KHDRBS2: variants seen among roughly 807,000 people sequenced by gnomAD.
KHDRBS2 encodes KH domain-containing, RNA-binding, signal transduction-associated protein 2.
KHDRBS2 carries 26 observed loss-of-function variants against 44.3 expected under a neutral mutation model. That is an observed-to-expected ratio of 0.59 (90% CI 0.43 to 0.81). The LOEUF is 0.81. Among genes scored for constraint, KHDRBS2 ranks in the 40% least tolerant of loss-of-function variants. The pLI is 0.00. For synonymous variants in KHDRBS2, 194 were observed against 151.1 expected, an observed-to-expected ratio of 1.28 and a Z score of -2.08; for missense variants, 476 against 433.1, an observed-to-expected ratio of 1.10 and a Z score of -0.88.
At chr6:61,591,051 G>C in the KHDRBS2 span, among the ~76,000 whole-genome samples, 2 of 152,092 alleles carry the variant, frequency 1.3e-5, no homozygotes, top group African/African-American at 2.4e-5. Flanking sequence ...AGAGACATAT[G>C]GGAAGCCAGA....
intron 1 of KHDRBS2, among the ~76,000 whole-genome samples, chr6:62,206,379 A>T (rs1034953403): frequency 4.6e-5 from 7 of 152,104 alleles, no homozygotes; most frequent in Non-Finnish European, 8.8e-5. Flanking sequence ...ACTGAAACAT[A>T]TATTGATTGA....
intron 4 of KHDRBS2, among the ~76,000 whole-genome samples, chr6:61,951,854 T>C (rs1276629454): frequency 6.6e-6 from 1 of 152,002 alleles, no homozygotes; most frequent in Admixed American, 6.6e-5. Flanking sequence ...TTAGTTGGCA[T>C]GCTGTCAGAC....
At chr6:61,980,471 A>C (rs936078093) in intron 3 of KHDRBS2, among the ~76,000 whole-genome samples, 2 of 152,148 alleles carry the variant, frequency 1.3e-5, no homozygotes, top group Admixed American at 1.3e-4. Flanking sequence ...TGATATGAAA[A>C]ATTGTAGAAG....
intron 1 of KHDRBS2, among the ~76,000 whole-genome samples, chr6:62,276,672 CTTATA>C (rs1218461659): frequency 2.0e-5 from 3 of 152,182 alleles, no homozygotes; most frequent in Non-Finnish European, 4.4e-5. Context: ...ATAAGCTATA[CTTATA>C]TTTTATGATA....
chr6:61,954,912 A>C (rs1459181524), intron 4 of KHDRBS2, among the ~76,000 whole-genome samples: 1 of 119,342 alleles, frequency 8.4e-6, no homozygotes, highest in African/African-American at 2.8e-5. Context: ...ATGTGTGCAT[A>C]CATATATATG....
intron 1 of KHDRBS2, among the ~76,000 whole-genome samples, chr6:62,275,354 G>C (rs1238379404): frequency 1.3e-5 from 2 of 152,006 alleles, no homozygotes; most frequent in African/African-American, 4.8e-5. Context: ...ACAAGGTCTT[G>C]GATGGATAAA....
the KHDRBS2 span, among the ~76,000 whole-genome samples, chr6:61,550,488 G>T: frequency 6.6e-6 from 1 of 152,132 alleles, no homozygotes; most frequent in African/African-American, 2.4e-5. Context: ...TGATAGTGCT[G>T]CAAGGAACAA....
chr6:62,039,944 T>A (rs1004576812), intron 3 of KHDRBS2, among the ~76,000 whole-genome samples: 3 of 152,096 alleles, frequency 2.0e-5, no homozygotes, highest in African/African-American at 7.2e-5. Flanking sequence ...TTGAGTTTTG[T>A]GACATTAAAT....
At chr6:61,660,118 A>C in the KHDRBS2 span, among the ~76,000 whole-genome samples, 1 of 151,858 alleles carries the variant, frequency 6.6e-6, no homozygotes, top group African/African-American at 2.4e-5. Flanking sequence ...TATGACCCTA[A>C]AACAACAGGC....
the KHDRBS2 span, among the ~76,000 whole-genome samples, chr6:61,666,958 C>T: frequency 6.8e-6 from 1 of 147,504 alleles, no homozygotes; most frequent in South Asian, 2.1e-4. Flanking sequence ...AGATCAACTG[C>T]TGACCTGTTT....
At chr6:61,725,595 G>T (rs888876003) in intron 7 of KHDRBS2, among the ~76,000 whole-genome samples, 3 of 151,766 alleles carry the variant, frequency 2.0e-5, no homozygotes, top group Admixed American at 1.3e-4. Flanking sequence ...AACACAATCA[G>T]AAATGATAAG....
At chr6:61,668,632 T>G in the KHDRBS2 span, among the ~76,000 whole-genome samples, 3 of 151,062 alleles carry the variant, frequency 2.0e-5, no homozygotes, top group Non-Finnish European at 3.0e-5. Flanking sequence ...CTCAGGACAT[T>G]ACATTCCCTA....
chr6:62,206,700 A>T (rs962449670), intron 1 of KHDRBS2, among the ~76,000 whole-genome samples: 1 of 152,062 alleles, frequency 6.6e-6, no homozygotes, highest in Non-Finnish European at 1.5e-5. Context: ...TTATGATTCT[A>T]TATCTGTTTT....
At chr6:61,816,710 A>AG (rs1789009472) in intron 6 of KHDRBS2, 2 of 405,928 alleles carry the variant, frequency 4.9e-6, no homozygotes, top group Non-Finnish European at 1.0e-5. Flanking sequence ...TTTATTCTTA[A>AG]AGAATAAATC....
At chr6:61,717,035 C>A (rs1476128126) in intron 7 of KHDRBS2, among the ~76,000 whole-genome samples, 3 of 152,028 alleles carry the variant, frequency 2.0e-5, no homozygotes, top group Non-Finnish European at 4.4e-5. Context: ...GTTTCAGTTA[C>A]TATCTAAAAC....
intron 6 of KHDRBS2, among the ~76,000 whole-genome samples, chr6:61,845,784 T>C (rs968616447): frequency 5.9e-5 from 9 of 152,318 alleles, no homozygotes; most frequent in African/African-American, 2.2e-4. Flanking sequence ...CAGTAGTGTT[T>C]CATAGATGCA....
intron 2 of KHDRBS2, among the ~76,000 whole-genome samples, chr6:62,124,508 A>C (rs1462110214): frequency 2.6e-5 from 4 of 151,658 alleles, no homozygotes; most frequent in Non-Finnish European, 5.9e-5. Flanking sequence ...CTTTTCCTGG[A>C]ATGTACTCTA....
intron 1 of KHDRBS2, among the ~76,000 whole-genome samples, chr6:62,207,858 G>A (rs1828282799): frequency 6.6e-6 from 1 of 152,084 alleles, no homozygotes; most frequent in Admixed American, 6.6e-5. Context: ...TTCCTATAGT[G>A]AGGCAAAATA....
At chr6:62,159,016 A>T (rs1047434600) in intron 2 of KHDRBS2, among the ~76,000 whole-genome samples, 10 of 152,126 alleles carry the variant, frequency 6.6e-5, no homozygotes, top group South Asian at 2.1e-4. Flanking sequence ...ATTAAATGCC[A>T]TGTGACCGTC....
Sources: gnomAD v4.1 joint callset for allele counts (sites outside exome capture counted in the v4.1 genomes callset) on GRCh38, gnomAD v4.1.1 for gene constraint, MANE v1.5 for transcripts, NCBI Gene and HGNC (gene_info 2026-07-23, HGNC 2026-07-21) for gene names.